Variants in CDC42SE2 observed in about 807,000 individuals in gnomAD.
The protein encoded by CDC42SE2 is CDC42 small effector protein 2.
A neutral mutation model predicts 11.5 loss-of-function variants in CDC42SE2; 3 were observed. That is an observed-to-expected ratio of 0.26 (90% confidence interval 0.12 to 0.67). CDC42SE2 has a LOEUF of 0.67. Ranked by LOEUF, CDC42SE2 falls within the 30% of genes least tolerant of loss-of-function variation. The pLI is 0.80. For missense variants in CDC42SE2, 82 were observed against 106.8 expected, an observed-to-expected ratio of 0.77 and a Z score of 1.02; for synonymous variants, 33 against 34.8, an observed-to-expected ratio of 0.95 and a Z score of 0.18.
intron 2 of CDC42SE2, among the ~76,000 whole-genome samples, chr5:131,327,330 G>A (rs777454658): frequency 2.6e-5 from 4 of 152,110 alleles, no homozygotes; most frequent in Non-Finnish European, 5.9e-5. Context: ...CATCCCCAGT[G>A]AGTATATTGC....
At chr5:131,381,208 C>G (rs987728252) in intron 3 of CDC42SE2, among the ~76,000 whole-genome samples, 1 of 152,194 alleles carries the variant, frequency 6.6e-6, no homozygotes, top group African/African-American at 2.4e-5. Flanking sequence ...TGGATTCTCT[C>G]AGAACCCAGT....
chr5:131,275,702 T>A (rs1056696562), intron 1 of CDC42SE2, among the ~76,000 whole-genome samples: 2 of 152,166 alleles, frequency 1.3e-5, no homozygotes, highest in African/African-American at 4.8e-5. Flanking sequence ...TTGCTAAACT[T>A]CTTTTGTTAA....
intron 1 of CDC42SE2, among the ~76,000 whole-genome samples, chr5:131,276,039 A>G (rs918110621): frequency 6.6e-6 from 1 of 152,128 alleles, no homozygotes; most frequent in African/African-American, 2.4e-5. Context: ...TAGTTGGGAA[A>G]TGAAAGTGCA....
chr5:131,312,023 C>A (rs369040993), intron 1 of CDC42SE2, among the ~76,000 whole-genome samples: 2 of 152,134 alleles, frequency 1.3e-5, no homozygotes, highest in African/African-American at 4.8e-5. Context: ...AGGCGCTCTG[C>A]TTTTTAGAGT....
chr5:131,322,739 A>G (rs1382706587), intron 2 of CDC42SE2, among the ~76,000 whole-genome samples: 1 of 152,060 alleles, frequency 6.6e-6, no homozygotes, highest in Non-Finnish European at 1.5e-5. Flanking sequence ...CTGTTGTGCT[A>G]CCTCTTGGCT....
At chr5:131,330,348 A>T (rs1019168836) in intron 2 of CDC42SE2, among the ~76,000 whole-genome samples, 18 of 152,158 alleles carry the variant, frequency 1.2e-4, no homozygotes, top group Admixed American at 1.2e-3. Context: ...TGGAGGAATA[A>T]CCAAGAATAA....
At chr5:131,223,093 T>A in the CDC42SE2 span, among the ~76,000 whole-genome samples, 1 of 152,244 alleles carries the variant, frequency 6.6e-6, no homozygotes, top group Non-Finnish European at 1.5e-5. Context: ...TGACTCATCA[T>A]CATCCTATCC....
chr5:131,278,228 C>G (rs1328590469), intron 1 of CDC42SE2, among the ~76,000 whole-genome samples: 2 of 152,140 alleles, frequency 1.3e-5, no homozygotes, highest in Non-Finnish European at 2.9e-5. Context: ...TTTGGGAGAT[C>G]CCGCCTGGGC....
chr5:131,218,784 G>T, the CDC42SE2 span, among the ~76,000 whole-genome samples: 1 of 152,176 alleles, frequency 6.6e-6, no homozygotes, highest in Non-Finnish European at 1.5e-5. Flanking sequence ...ACAGGAGGGG[G>T]ATCCCCTTCT....
chr5:131,225,850 A>G, the CDC42SE2 span, among the ~76,000 whole-genome samples: 1 of 152,338 alleles, frequency 6.6e-6, no homozygotes, highest in South Asian at 2.1e-4. Flanking sequence ...AAAAAAGGTA[A>G]GATCTTACCA....
At chr5:131,240,808 T>C (rs940214401), upstream of CDC42SE2, among the ~76,000 whole-genome samples, 9 of 152,170 alleles carry the variant, frequency 5.9e-5, no homozygotes, top group African/African-American at 2.2e-4. Flanking sequence ...GAAACACTCT[T>C]TTGTCAGAAA....
In CDC42SE2 at chr5:131,301,709, G is replaced by A. The variant is rs958158451; in HGVS notation, c.-454-14267G>A. ...GGAGATGGAGGTTGCAGTGAGCCAA[G>A]ATCACGCCACTGCACTCTAGTTTGG... On this transcript the variant is annotated intron_variant, in intron 1 of 4. Transcript: ENST00000505065. Among the ~76,000 whole-genome samples the A allele has an allele frequency of 4.7e-5, 7 of 149,702 alleles. No homozygotes were observed. The East Asian group carries it at 1.2e-3, about 26-fold the overall frequency.
At chr5:131,247,458 A>T (rs1756604822) in intron 1 of CDC42SE2, among the ~76,000 whole-genome samples, 1 of 152,060 alleles carries the variant, frequency 6.6e-6, no homozygotes, top group African/African-American at 2.4e-5. Context: ...CTCTACTAAA[A>T]ATACAAAAAA....
In CDC42SE2 at chr5:131,272,194, T is replaced by A. The variant is rs187489465; in HGVS notation, c.-455+8028T>A. On this transcript the variant is annotated intron_variant, in intron 1 of 4. Transcript: ENST00000505065. The stretch of plus-strand genomic sequence containing the variant: ...CCCGGCTGATTTTTGTATTTTTTTT[T>A]AATAGAGACAGGGTTTCACCACGTT... 2.0e-3 allele frequency among the ~76,000 whole-genome samples: 298 copies of A among 151,944 alleles called. 1 individual carries two copies. The highest frequency in any genetic ancestry group is 6.9e-3 in the African/African-American group (287 of 41,414).
chr5:131,311,672 T>C (rs1757917932), intron 1 of CDC42SE2, among the ~76,000 whole-genome samples: 4 of 152,196 alleles, frequency 2.6e-5, no homozygotes, highest in African/African-American at 9.7e-5. Flanking sequence ...GAACTTCCCT[T>C]CTCACTTCAT....
At chr5:131,271,618 G>A (rs1222250540) in intron 1 of CDC42SE2, among the ~76,000 whole-genome samples, 5 of 152,122 alleles carry the variant, frequency 3.3e-5, no homozygotes, top group East Asian at 1.9e-4. Context: ...CATGGATACC[G>A]AGGGATGGCT....
At chr5:131,250,922 T>A (rs931484317) in intron 1 of CDC42SE2, among the ~76,000 whole-genome samples, 3 of 152,086 alleles carry the variant, frequency 2.0e-5, no homozygotes, top group Admixed American at 2.0e-4. Context: ...ACAACAAATA[T>A]ACCACATGAA....
At chr5:131,319,967 C>T (rs766361315) in intron 2 of CDC42SE2, among the ~76,000 whole-genome samples, 13 of 138,762 alleles carry the variant, frequency 9.4e-5, no homozygotes, top group Admixed American at 1.6e-4. Flanking sequence ...AGAAGAATGG[C>T]GTGAACCCGG....
chr5:131,382,114 T>C (rs1561436886), intron 3 of CDC42SE2, among the ~76,000 whole-genome samples: 2 of 152,202 alleles, frequency 1.3e-5, no homozygotes, highest in Non-Finnish European at 2.9e-5. Flanking sequence ...AGCTGAAAAA[T>C]ACTCACTATT....
Sources: allele counts gnomAD v4.1 joint callset (sites outside exome capture counted in the v4.1 genomes callset), GRCh38; gene constraint gnomAD v4.1.1; transcripts MANE v1.5; gene names NCBI Gene and HGNC (gene_info 2026-07-23, HGNC 2026-07-21).